Variants in AJM1 observed in about 807,000 individuals in gnomAD.
AJM1 encodes the protein apical junction component 1 homolog, also known as uncharacterized protein C9orf172.
In AJM1, 22 loss-of-function variants were observed where a neutral mutation model predicts 43.0. The ratio of observed to expected loss-of-function variants is 0.51; its 90% CI spans 0.37 to 0.73. AJM1 has a LOEUF of 0.73. Among genes scored for constraint, AJM1 ranks in the 30% least tolerant of loss-of-function variants. The pLI, the probability that AJM1 is intolerant of heterozygous loss-of-function variation, is 0.00. For missense variants in AJM1, 1,305 were observed against 1,343.3 expected (o/e 0.97, Z 0.45); for synonymous variants, 719 against 638.3 (o/e 1.13, Z -1.91).
At position 136,842,573 on chromosome 9, in the gene AJM1, G is replaced by A. The variant is rs534905878; in HGVS notation, c.-160G>A. On this transcript the variant is annotated 5_prime_UTR_variant, in exon 1 of 3. Coordinates refer to ENST00000436881, the MANE Select transcript of AJM1 (RefSeq NM_001080482.5). Reference sequence around the variant, plus strand: ...GGGTGGCACAGCCCACCGGGGCACAGCCAGAGCAGCACCCAGGTAAGGGGC... The same window carrying A: ...GGGTGGCACAGCCCACCGGGGCACAACCAGAGCAGCACCCAGGTAAGGGGC... Among the ~76,000 whole-genome samples, 10 of 152,384 alleles carry A rather than the reference G, an allele frequency of 6.6e-5. No homozygotes were observed. The highest frequency in any genetic ancestry group is 2.4e-4 in the African/African-American group (10 of 41,586).
At position 136,846,877 on chromosome 9, in the gene AJM1, A is replaced by G; in HGVS notation, c.2463A>G (p.Gly821=). ...TGCTCAGCGTGTCCGTGGCCGTGGG[A>G]CCCGGCACCGCGCCACCGGGGACAC... ...CFLLSVSVAV[G]PGTAPPGTPA... is the part of the protein sequence containing the mutation. Residue 821 remains glycine (G), a synonymous_variant, in exon 3 of 3, where the codon GGA becomes GGG. Transcript: ENST00000436881. 6.5e-7 allele frequency: 1 copy of G among 1,544,398 alleles called. No homozygotes were observed. The highest frequency in any genetic ancestry group is 8.7e-7 in the Non-Finnish European group (1 of 1,155,040).
chr9:136,843,543 A>AG (rs1417985373), intron 1 of AJM1, among the ~76,000 whole-genome samples: 2 of 152,162 alleles, frequency 1.3e-5, no homozygotes, highest in African/African-American at 2.4e-5. Flanking sequence ...TGCAAACCCT[A>AG]GGGGGGTGTC....
At position 136,846,369 on chromosome 9, in the gene AJM1, C is replaced by T. The variant is rs780465340; in HGVS notation, c.1955C>T (p.Ser652Phe). The T allele has an allele frequency of 1.4e-6, 2 of 1,470,658 alleles. No individual in the cohort carries two copies. Among genetic ancestry groups the T allele is most frequent in the Admixed American group, 2.3e-5 (1 of 44,034 alleles). 91.1% of individuals were successfully genotyped at this position (1,470,658 alleles called of 1,614,324 possible). A position where few individuals can be genotyped will look rare whatever the true frequency, so the allele number is the denominator to read the frequency against. The change falls in exon 3 of 3, where the codon TCC becomes TTC. Residue 652 changes from serine to phenylalanine, a missense_variant. Coordinates refer to ENST00000436881, the MANE Select transcript of AJM1 (RefSeq NM_001080482.5). Reference protein sequence around the residue: ...PAAPGEAADASPEPSADEDDL... With the variant: ...PAAPGEAADAFPEPSADEDDL... ...GCCCCGGGAGAGGCGGCCGACGCGT[C>T]CCCCGAACCCAGCGCCGACGAGGAC...
rs745649497 is a variant in AJM1, at chr9:136,844,818, C to T, written c.404C>T (p.Ala135Val). 4.9e-5 allele frequency: 11 copies of T among 223,588 alleles called. No homozygotes were observed. In the South Asian group the frequency reaches 7.7e-4, roughly 16 times the overall value. 13.9% of individuals were successfully genotyped at this position (223,588 alleles called of 1,614,324 possible). ...GAGGCATCGCCGCGCCGGGAGCCCG[C>T]GTACCCGGCGCTCCGCGCCCTTGCC... ...RAEASPRREP[A>V]YPALRALANE... Residue 135 changes from alanine (A) to valine (V), a missense_variant, in exon 3 of 3, where the codon GCG becomes GTG. Ala to Val is a moderately conservative substitution (Grantham distance 64). Transcript: ENST00000436881.
In AJM1 at chr9:136,845,693, T is replaced by C; in HGVS notation, c.1279T>C (p.Trp427Arg). 1 of 1,573,504 alleles carries C rather than the reference T, an allele frequency of 6.4e-7. No homozygotes were observed. The highest frequency in any genetic ancestry group is 8.6e-7 in the Non-Finnish European group (1 of 1,168,324). Residue 427 changes from tryptophan (W) to arginine (R), a missense_variant, in exon 3 of 3, where the codon TGG (tryptophan) becomes CGG (arginine). Trp to Arg is a moderately radical substitution (Grantham distance 101, BLOSUM62 -3). Coordinates refer to ENST00000436881, the MANE Select transcript of AJM1 (RefSeq NM_001080482.5). Reference sequence around the variant, plus strand: ...TGACCCCGACCCGTTGCTCGCCTCCTGGCACGGCGGCACCGGCACCAGTCC... The same window carrying C: ...TGACCCCGACCCGTTGCTCGCCTCCCGGCACGGCGGCACCGGCACCAGTCC... ...PSDPDPLLAS[W>R]HGGTGTSPPR... is the part of the protein sequence containing the mutation.
rs747643535 is a variant in AJM1, at chr9:136,844,483, G to A, written c.69G>A (p.Pro23=). 1 of 1,611,202 alleles carries A rather than the reference G, an allele frequency of 6.2e-7. No individual in the cohort carries two copies. Among genetic ancestry groups the A allele is most frequent in the South Asian group, 1.1e-5 (1 of 90,908 alleles). The change falls in exon 3 of 3, where the codon CCG becomes CCA. Residue 23 remains proline, a synonymous_variant. Transcript: ENST00000436881. ...ACCAGGACATCAAGGTGGCGACCCC[G>A]GGACCCGCGTCCAAGTGCTCGCCAT... ...TVYQDIKVAT[P]GPASKCSPCE...
chr9:136,846,187 G>T lies in AJM1; in HGVS notation c.1773G>T (p.Ser591=), dbSNP rs1457477809. 3.3e-6 allele frequency: 5 copies of T among 1,512,450 alleles called. No homozygotes were observed. Among genetic ancestry groups the T allele is most frequent in the Non-Finnish European group, 4.4e-6 (5 of 1,137,934 alleles). The allele number at this position is 1,512,450 out of a possible 1,614,324, so 93.7% of individuals were successfully genotyped here. The change falls in exon 3 of 3, where the codon TCG becomes TCT. Residue 591 remains serine, a synonymous_variant. Transcript: ENST00000436881. ...TCATCACGGACCTGGTCATCGACTC[G>T]CGACCCACCGCCGGCCAGGCCTCAG... ...DELITDLVID[S]RPTAGQASEP...
Position 136,845,616 on chromosome 9 carries a change from G to C in AJM1, c.1202G>C (p.Trp401Ser). Residue 401 changes from tryptophan to serine, a missense_variant, in exon 3 of 3, where the codon TGG (tryptophan) becomes TCG (serine). By Grantham distance (177) the Trp-to-Ser change is radical (BLOSUM62 -3). Around this residue, in one of 6 missense-constraint regions of AJM1, gnomAD observed 653 missense variants for 549.1 expected, o/e 1.19. Coordinates refer to ENST00000436881, the MANE Select transcript of AJM1 (RefSeq NM_001080482.5). ...CCGCACCCGCGCAGCAGCCCGGCCT[G>C]GGCGGACTGGGGCCCGCGACCGTAC... ...TYPHPRSSPA[W>S]ADWGPRPYRT... The C allele has an allele frequency of 1.9e-6, 3 of 1,578,728 alleles. No individual in the cohort carries two copies. The highest frequency in any genetic ancestry group is 2.6e-6 in the Non-Finnish European group (3 of 1,168,520).
In AJM1 at chr9:136,846,047, C is replaced by T. The variant is rs1462956386; in HGVS notation, c.1633C>T (p.Arg545Cys). 15 of 1,540,782 alleles carry T rather than the reference C, an allele frequency of 9.7e-6. No individual in the cohort carries two copies. The highest frequency in any genetic ancestry group is 1.4e-5 in the African/African-American group (1 of 72,668). Residue 545 changes from arginine (R) to cysteine (C), a missense_variant, in exon 3 of 3, where the codon CGC becomes TGC. Physicochemically the swap from Arg to Cys is radical, Grantham distance 180. Coordinates refer to ENST00000436881, the MANE Select transcript of AJM1 (RefSeq NM_001080482.5). ...TGACAATGACCTGCGCGCCACCGAG[C>T]GCCCGAGCGCCAGGGCCTGGGAGTT... The part of the protein sequence containing the change: ...ITDNDLRATE[R>C]PSARAWELPG...
chr9:136,848,269 G>A lies in AJM1; in HGVS notation c.*924G>A, dbSNP rs1848809133. On this transcript the variant is annotated 3_prime_UTR_variant, in exon 3 of 3. Transcript: ENST00000436881. ...CCCAGGTGGGAGCCTGGAGGGCAAA[G>A]CGTGGTGCGAGCAGGTGAGGGAGAG... 6.5e-6 allele frequency: 1 copy of A among 152,860 alleles called. No individual in the cohort carries two copies. The highest frequency in any genetic ancestry group is 2.4e-5 in the African/African-American group (1 of 41,482). 9.5% of individuals were successfully genotyped at this position (152,860 alleles called of 1,614,324 possible). A position where few individuals can be genotyped will look rare whatever the true frequency, so the allele number is the denominator to read the frequency against.
rs1848743351 is a variant in AJM1 at position 136,844,735 on chromosome 9, C to G, written c.321C>G (p.Pro107=). The part of the protein sequence containing the change: ...PRAPPGLTPA[P]ASPPVLPRRG... ...CGCCCCCGGGCCTGACGCCCGCGCC[C>G]GCCTCGCCGCCGGTGTTGCCCCGCC... Residue 107 remains proline (P), a synonymous_variant, in exon 3 of 3, where the codon CCC becomes CCG. Transcript: ENST00000436881. 1.6e-6 allele frequency: 1 copy of G among 624,984 alleles called. No individual in the cohort carries two copies. The highest frequency in any genetic ancestry group is 6.8e-5 in the South Asian group (1 of 14,794). 38.7% of individuals were successfully genotyped at this position (624,984 alleles called of 1,614,324 possible).
Position 136,847,067 on chromosome 9 carries a change from G to C in AJM1, c.2653G>C (p.Asp885His). The change falls in exon 3 of 3, where the codon GAT becomes CAT. Residue 885 changes from aspartate to histidine, a missense_variant. By Grantham distance (81) the Asp-to-His change is moderately conservative. Transcript: ENST00000436881. Reference protein sequence around the residue: ...LTPPPGTAGLDQDGEAGRRAR... With the variant: ...LTPPPGTAGLHQDGEAGRRAR... ...GCCACCGCCGGGCACGGCGGGCCTG[G>C]ATCAGGACGGCGAGGCGGGCCGGCG... 6.9e-7 allele frequency: 1 copy of C among 1,442,080 alleles called. No individual in the cohort carries two copies. Among genetic ancestry groups the C allele is most frequent in the Non-Finnish European group, 9.3e-7 (1 of 1,076,966 alleles). 89.3% of individuals were successfully genotyped at this position (1,442,080 alleles called of 1,614,324 possible).
Position 136,845,592 on chromosome 9 carries a change from C to T in AJM1, c.1178C>T (p.Pro393Leu), listed in dbSNP as rs1426333223. ...CGTGACGTCCTGGCTCGGACGTACC[C>T]GCACCCGCGCAGCAGCCCGGCCTGG... ...RERDVLARTYPHPRSSPAWAD... is the reference protein window; with the variant it reads ...RERDVLARTYLHPRSSPAWAD... Residue 393 changes from proline to leucine, a missense_variant, in exon 3 of 3, where the codon CCG (proline) becomes CTG (leucine). By Grantham distance (98) the Pro-to-Leu change is moderately conservative. Around this residue, in one of 6 missense-constraint regions of AJM1, gnomAD observed 653 missense variants for 549.1 expected, o/e 1.19. Transcript: ENST00000436881. 6.3e-7 allele frequency: 1 copy of T among 1,585,460 alleles called. No homozygotes were observed. Among genetic ancestry groups the T allele is most frequent in the Non-Finnish European group, 8.5e-7 (1 of 1,170,402 alleles).
chr9:136,843,644 G>A (rs962412224), intron 1 of AJM1, among the ~76,000 whole-genome samples: 2 of 152,248 alleles, frequency 1.3e-5, no homozygotes, highest in Non-Finnish European at 2.9e-5. Flanking sequence ...GGGAGATTTA[G>A]GGCCCGGGTA....
Position 136,847,113 on chromosome 9 carries a change from T to G in AJM1, c.2699T>G (p.Ile900Ser). The stretch of plus-strand genomic sequence containing the variant: ...CGGCGCGCGCGCGAGGTGGCCTTCA[T>G]CCACATCCAGCGCGAGCTGCGGCTG... The part of the protein sequence containing the change: ...AGRRAREVAF[I>S]HIQRELRLRG... Residue 900 changes from isoleucine (I) to serine (S), a missense_variant, in exon 3 of 3, where the codon ATC (isoleucine) becomes AGC (serine). Ile to Ser is a moderately radical substitution (Grantham distance 142, BLOSUM62 -2). Transcript: ENST00000436881. 6.4e-7 allele frequency: 1 copy of G among 1,573,360 alleles called. No homozygotes were observed. Among genetic ancestry groups the G allele is most frequent in the Non-Finnish European group, 8.6e-7 (1 of 1,166,430 alleles).
Position 136,846,366 on chromosome 9 carries a change from C to G in AJM1, c.1952C>G (p.Ala651Gly). ...GCGGCCCCGGGAGAGGCGGCCGACG[C>G]GTCCCCCGAACCCAGCGCCGACGAG... ...EPAAPGEAAD[A>G]SPEPSADEDD... The change falls in exon 3 of 3, where the codon GCG (alanine) becomes GGG (glycine). Residue 651 changes from alanine (A) to glycine (G), a missense_variant. By Grantham distance (60) the Ala-to-Gly change is moderately conservative (BLOSUM62 0). This residue lies in a region of AJM1 where 391 missense variants were observed against 507.5 expected (regional missense o/e 0.77). Coordinates refer to ENST00000436881, the MANE Select transcript of AJM1 (RefSeq NM_001080482.5). The G allele has an allele frequency of 6.9e-7, 1 of 1,446,886 alleles. No individual in the cohort carries two copies. The highest frequency in any genetic ancestry group is 2.8e-5 in the East Asian group (1 of 35,730). The allele number at this position is 1,446,886 out of a possible 1,614,324, so 89.6% of individuals were successfully genotyped here. A position where few individuals can be genotyped will look rare whatever the true frequency, so the allele number is the denominator to read the frequency against.
In AJM1 at chr9:136,847,653, C is replaced by T. The variant is rs1039733588; in HGVS notation, c.*308C>T. On this transcript the variant is annotated 3_prime_UTR_variant, in exon 3 of 3. Coordinates refer to ENST00000436881, the MANE Select transcript of AJM1 (RefSeq NM_001080482.5). ...CCTCTCCCAGCTCGCCCTCGAGGAT[C>T]CCCAGAAGAAGTCGGTCCTCGCCCT... 1 of 364,710 alleles carries T rather than the reference C, an allele frequency of 2.7e-6. No homozygotes were observed. The highest frequency in any genetic ancestry group is 6.6e-5 in the South Asian group (1 of 15,142). The allele number at this position is 364,710 out of a possible 1,614,324, so 22.6% of individuals were successfully genotyped here.
Position 136,845,345 on chromosome 9 carries a change from C to A in AJM1, c.931C>A (p.Pro311Thr). The part of the protein sequence containing the change: ...TFDAYYPRPY[P>T]SEELSGPSPR... ...CGACGCCTACTACCCCAGGCCCTAT[C>A]CGTCCGAGGAGCTCTCGGGGCCCAG... Residue 311 changes from proline (P) to threonine (T), a missense_variant, in exon 3 of 3, where the codon CCG (proline) becomes ACG (threonine). Pro to Thr is a conservative substitution (Grantham distance 38). This residue lies in a region of AJM1 where 653 missense variants were observed against 549.1 expected (regional missense o/e 1.19). Coordinates refer to ENST00000436881, the MANE Select transcript of AJM1 (RefSeq NM_001080482.5). 1 of 1,612,436 alleles carries A rather than the reference C, an allele frequency of 6.2e-7. No homozygotes were observed. The highest frequency in any genetic ancestry group is 8.5e-7 in the Non-Finnish European group (1 of 1,179,830).
Position 136,845,251 on chromosome 9 carries a change from C to G in AJM1, c.837C>G (p.Thr279=). Residue 279 remains threonine, a synonymous_variant, in exon 3 of 3, where the codon ACC becomes ACG. Coordinates refer to ENST00000436881, the MANE Select transcript of AJM1 (RefSeq NM_001080482.5). ...SLPFTTPPGP[T]QFFYTEEPQG... The stretch of plus-strand genomic sequence containing the variant: ...CCTTCACCACCCCGCCGGGCCCCAC[C>G]CAGTTCTTCTATACAGAGGAGCCCC... The G allele has an allele frequency of 6.2e-7, 1 of 1,603,634 alleles. No individual in the cohort carries two copies. The highest frequency in any genetic ancestry group is 8.5e-7 in the Non-Finnish European group (1 of 1,178,824).
Sources: gnomAD v4.1 joint callset for allele counts (sites outside exome capture counted in the v4.1 genomes callset) on GRCh38, gnomAD v4.1.1 for gene constraint, gnomAD v4.1.1 regional missense constraint, MANE v1.5 for transcripts, NCBI Gene and HGNC (gene_info 2026-07-23, HGNC 2026-07-21) for gene names.